Variants in FREM2 observed in about 807,000 individuals in gnomAD.
FREM2 encodes FRAS1 related extracellular matrix 2.
A neutral mutation model predicts 219.9 loss-of-function variants in FREM2; 119 were observed. The ratio of observed to expected loss-of-function variants is 0.54; its 90% CI spans 0.47 to 0.63. The LOEUF (loss-of-function observed/expected upper bound fraction) is 0.63. Ranked by LOEUF, FREM2 falls within the 30% of genes least tolerant of loss-of-function variation. The probability of loss-of-function intolerance (pLI) is 0.00; values close to 1 mark genes in which losing one functional copy is unlikely to be tolerated. For missense variants in FREM2, 4,030 were observed against 3,993.6 expected (o/e 1.01, Z -0.25); for synonymous variants, 1,562 against 1,522.8 (o/e 1.03, Z -0.60).
intron 6 of FREM2, among the ~76,000 whole-genome samples, chr13:38,845,694 A>G (rs1178643250): frequency 6.6e-6 from 1 of 152,172 alleles, no homozygotes; most frequent in Non-Finnish European, 1.5e-5. Context: ...TTTTACAGTA[A>G]GATCACAAAT....
intron 6 of FREM2, among the ~76,000 whole-genome samples, chr13:38,810,864 A>T (rs1317333873): frequency 1.3e-5 from 2 of 151,948 alleles, no homozygotes; most frequent in Non-Finnish European, 2.9e-5. Context: ...TATTTTTCAG[A>T]ACAGTTTTAA....
In FREM2 at chr13:38,690,716, T is replaced by C; in HGVS notation, c.3372T>C (p.Ser1124=). The change falls in exon 1 of 24, where the codon TCT becomes TCC. Residue 1124 remains serine, a synonymous_variant. Coordinates refer to ENST00000280481, the MANE Select transcript of FREM2 (RefSeq NM_207361.6). Reference sequence around the variant, plus strand: ...AAAACATTTCTCCAGCACCAGGCTCTGAGAAATCAAGAGCAGGGATTGCCA... The same window carrying C: ...AAAACATTTCTCCAGCACCAGGCTCCGAGAAATCAAGAGCAGGGATTGCCA... ...YVENISPAPG[S]EKSRAGIAIS... 1.9e-6 allele frequency: 3 copies of C among 1,614,090 alleles called. No homozygotes were observed. The highest frequency in any genetic ancestry group is 2.5e-6 in the Non-Finnish European group (3 of 1,180,036).
At chr13:38,792,333 G>A (rs1874595345) in intron 6 of FREM2, among the ~76,000 whole-genome samples, 1 of 152,104 alleles carries the variant, frequency 6.6e-6, no homozygotes, top group Non-Finnish European at 1.5e-5. Context: ...TGGGCAACAA[G>A]CAAGACTCGG....
chr13:38,840,644 A>ATATATATGTGTG (rs1184958401), intron 6 of FREM2, among the ~76,000 whole-genome samples: 1 of 134,268 alleles, frequency 7.4e-6, no homozygotes, highest in African/African-American at 2.9e-5. Flanking sequence ...ATATATATAT[A>ATATATATGTGTG]TGTGTATGTA....
chr13:38,819,448 G>A (rs934012203), intron 6 of FREM2, among the ~76,000 whole-genome samples: 65 of 152,112 alleles, frequency 4.3e-4, no homozygotes, highest in African/African-American at 1.5e-3. Context: ...CCACAAGAAA[G>A]TGAGCACAGG....
chr13:38,859,212 T>C, intron 13 of FREM2, 75 bp from the exon 14 acceptor site: 3 of 1,456,008 alleles, frequency 2.1e-6, no homozygotes, highest in Non-Finnish European at 2.9e-6. Flanking sequence ...GAAAACTCGA[T>C]GGCAGAGAAC....
intron 6 of FREM2, among the ~76,000 whole-genome samples, chr13:38,792,653 T>C: frequency 6.6e-6 from 1 of 152,236 alleles, no homozygotes; most frequent in East Asian, 1.9e-4. Flanking sequence ...ACTATCTGTG[T>C]CTTCAGTCAT....
chr13:38,720,808 C>T (rs1201090037), intron 2 of FREM2, among the ~76,000 whole-genome samples: 1 of 152,184 alleles, frequency 6.6e-6, no homozygotes, highest in African/African-American at 2.4e-5. Context: ...GATGAGTCCT[C>T]TCAACCTCAC....
chr13:38,699,090 G>A (rs1870239626), intron 2 of FREM2, among the ~76,000 whole-genome samples: 1 of 152,090 alleles, frequency 6.6e-6, no homozygotes, highest in Admixed American at 6.5e-5. Context: ...ACTAACTGTA[G>A]AGTGAAACCC....
Position 38,861,416 on chromosome 13 carries a change from T to G in FREM2, c.7520-15T>G, listed in dbSNP as rs756019606. On this transcript the variant is annotated splice_polypyrimidine_tract_variant and intron_variant, in intron 14 of 23. Coordinates refer to ENST00000280481, the MANE Select transcript of FREM2 (RefSeq NM_207361.6). ...ACCTTCTTTTCGCATAAATATGGTC[T>G]TTTTTTTTTTCAAGGTCTTTGTCAG... The G allele has an allele frequency of 1.5e-4, 163 of 1,073,816 alleles. No individual in the cohort carries two copies. The highest frequency in any genetic ancestry group is 4.0e-4 in the Admixed American group (16 of 39,898). 66.5% of individuals were successfully genotyped at this position (1,073,816 alleles called of 1,614,324 possible). A position where few individuals can be genotyped will look rare whatever the true frequency, so the allele number is the denominator to read the frequency against.
Position 38,861,593 on chromosome 13 carries a change from A to G in FREM2, c.7651+31A>G. 1.9e-6 allele frequency: 3 copies of G among 1,611,732 alleles called. No homozygotes were observed. The Admixed American group carries it at 5.0e-5, about 27-fold the overall frequency. ...TGACTTGGGTAAGCAAATCCATGGAATTGTTTTGGACTCCTCATTACCTGT... is the reference window on the plus strand; with the variant it reads ...TGACTTGGGTAAGCAAATCCATGGAGTTGTTTTGGACTCCTCATTACCTGT... On this transcript the variant is annotated intron_variant, in intron 15 of 23. Transcript: ENST00000280481.
At chr13:38,873,939 G>C (rs182509633) in intron 17 of FREM2, among the ~76,000 whole-genome samples, 70 of 152,214 alleles carry the variant, frequency 4.6e-4, no homozygotes, top group African/African-American at 1.6e-3. Flanking sequence ...TCCGTGTCTT[G>C]TTTTAGAAGA....
intron 2 of FREM2, among the ~76,000 whole-genome samples, chr13:38,715,944 A>G (rs1870981127): frequency 6.6e-6 from 1 of 152,222 alleles, no homozygotes; most frequent in Admixed American, 6.5e-5. Flanking sequence ...CATGACTATA[A>G]GTTATTTCTT....
chr13:38,707,025 G>T (rs138074457), intron 2 of FREM2, among the ~76,000 whole-genome samples: 1 of 152,196 alleles, frequency 6.6e-6, no homozygotes, highest in African/African-American at 2.4e-5. Context: ...TTGTATAAAT[G>T]AGAAAAAAAT....
intron 15 of FREM2, among the ~76,000 whole-genome samples, chr13:38,863,195 G>A (rs571508116): frequency 4.6e-5 from 7 of 152,124 alleles, no homozygotes; most frequent in Non-Finnish European, 7.4e-5. Context: ...AATTACAGGC[G>A]TGCATCACCA....
chr13:38,739,792 A>G (rs1421168724), intron 2 of FREM2, among the ~76,000 whole-genome samples: 1 of 152,236 alleles, frequency 6.6e-6, no homozygotes. Flanking sequence ...TTGTTTGGTT[A>G]TATAGTGCAT....
At chr13:38,835,858 T>A (rs184544420) in intron 6 of FREM2, among the ~76,000 whole-genome samples, 1 of 152,230 alleles carries the variant, frequency 6.6e-6, no homozygotes, top group East Asian at 1.9e-4. Context: ...GACGATGGAG[T>A]TTTCTAAATA....
At chr13:38,874,357 T>C (rs1048522581) in intron 17 of FREM2, 125 bp from the exon 18 acceptor site, 72 of 754,668 alleles carry the variant, frequency 9.5e-5, no homozygotes, top group South Asian at 2.9e-4. Flanking sequence ...AGAATTCTTC[T>C]GATAATACCC....
Position 38,856,193 on chromosome 13 carries a change from A to G in FREM2, c.6993A>G (p.Arg2331=). Residue 2331 remains arginine, a synonymous_variant, in exon 12 of 24, where the codon AGA becomes AGG. Transcript: ENST00000280481. ...TCGAAGTTACCTTTGACGGGGTGAG[A>G]GAGATGAGAGAGGCCTTCACTGTTC... ...VEIEVTFDGV[R]EMREAFTVHL... 2 of 1,612,292 alleles carry G rather than the reference A, an allele frequency of 1.2e-6. No homozygotes were observed. Among genetic ancestry groups the G allele is most frequent in the East Asian group, 2.2e-5 (1 of 44,830 alleles).
Sources: allele counts gnomAD v4.1 joint callset (sites outside exome capture counted in the v4.1 genomes callset), GRCh38; gene constraint gnomAD v4.1.1; transcripts MANE v1.5; gene names NCBI Gene and HGNC (gene_info 2026-07-23, HGNC 2026-07-21).